GAREM2: variants seen among roughly 807,000 people sequenced by gnomAD.
GAREM2 encodes GRB2 associated regulator of MAPK1 subtype 2, also known as GRB2-associated and regulator of MAPK protein 2.
In GAREM2, 30 loss-of-function variants were observed where a neutral mutation model predicts 55.6. That is an observed-to-expected ratio of 0.54 (90% CI 0.40 to 0.73). The LOEUF is 0.73. GAREM2 is among the 30% of genes least tolerant of loss of function. GAREM2 has a pLI of 0.00. For synonymous variants in GAREM2, 550 were observed against 569.1 expected (o/e 0.97, Z 0.48); for missense variants, 1,075 against 1,257.7 (o/e 0.85, Z 2.20).
the GAREM2 span, among the ~76,000 whole-genome samples, chr2:26,198,245 C>T: frequency 7.2e-5 from 11 of 152,116 alleles, no homozygotes; most frequent in African/African-American, 2.4e-4. Flanking sequence ...TACTAAAAAA[C>T]GGCATACCAC....
In GAREM2 at chr2:26,187,467, C is replaced by T. The variant is rs557647163; in HGVS notation, c.1835C>T (p.Pro612Leu). Residue 612 changes from proline to leucine, a missense_variant, in exon 6 of 6, where the codon CCT becomes CTT. Pro to Leu is a moderately conservative substitution (Grantham distance 98, BLOSUM62 -3). Transcript: ENST00000401533. ...DTPVKTYHSC[P>L]PLFKPSHPQK... is the part of the protein sequence containing the mutation. ...CCTGTTAAGACCTACCACAGCTGCC[C>T]TCCTCTATTCAAGCCCTCACATCCC... The T allele has an allele frequency of 9.7e-6, 15 of 1,548,288 alleles. No homozygotes were observed. In the African/African-American group the frequency reaches 1.2e-4, roughly 13 times the overall value.
chr2:26,173,894 AC>A (rs1668778323), intron 1 of GAREM2, among the ~76,000 whole-genome samples: 1 of 151,798 alleles, frequency 6.6e-6, no homozygotes, highest in Non-Finnish European at 1.5e-5. Context: ...GCCCGGCGTG[AC>A]CCCCAAACTC....
Position 26,184,701 on chromosome 2 carries a change from G to A in GAREM2, c.853G>A (p.Glu285Lys). The A allele has an allele frequency of 6.5e-7, 1 of 1,539,626 alleles. No homozygotes were observed. The highest frequency in any genetic ancestry group is 8.7e-7 in the Non-Finnish European group (1 of 1,143,794). Residue 285 changes from glutamate to lysine, a missense_variant, in exon 4 of 6, where the codon GAG becomes AAG. Glu to Lys is a moderately conservative substitution (Grantham distance 56). This residue lies in a region of GAREM2 where 170 missense variants were observed against 220.7 expected (regional missense o/e 0.77). Coordinates refer to ENST00000401533, the MANE Select transcript of GAREM2 (RefSeq NM_001168241.2). ...CCCCTACGACCTGCACCCGGTGCGG[G>A]AGGGTCATTGCTACAAGCTGGTTAG... Reference protein sequence around the residue: ...RNPYDLHPVREGHCYKLVSII... With the variant: ...RNPYDLHPVRKGHCYKLVSII...
downstream of GAREM2, chr2:26,191,425 G>GT (rs1165992495): frequency 1.9e-6 from 3 of 1,614,188 alleles, no homozygotes; most frequent in Non-Finnish European, 2.5e-6. Context: ...TTCGTTGAAG[G>GT]AGACGCAACA....
chr2:26,183,720 T>TCAAA (rs112073035), intron 3 of GAREM2, among the ~76,000 whole-genome samples: 95 of 151,208 alleles, frequency 6.3e-4, no homozygotes, highest in South Asian at 3.1e-3. Flanking sequence ...AGACCCTGTC[T>TCAAA]CAAACAAACA....
chr2:26,196,113 C>T, the GAREM2 span, among the ~76,000 whole-genome samples: 1 of 152,174 alleles, frequency 6.6e-6, no homozygotes, highest in Admixed American at 6.5e-5. Flanking sequence ...TACATTTAAT[C>T]CATTACAACC....
chr2:26,199,303 G>A, the GAREM2 span: 5 of 152,524 alleles, frequency 3.3e-5, no homozygotes, highest in African/African-American at 1.2e-4. Flanking sequence ...AGGAGTTCAA[G>A]GTTACAGTGA....
At position 26,185,181 on chromosome 2, in the gene GAREM2, C is replaced by T; in HGVS notation, c.1333C>T (p.Pro445Ser). Residue 445 changes from proline to serine, a missense_variant, in exon 4 of 6, where the codon CCC (proline) becomes TCC (serine). This residue lies in a region of GAREM2 where 515 missense variants were observed against 501.5 expected (regional missense o/e 1.03). Coordinates refer to ENST00000401533, the MANE Select transcript of GAREM2 (RefSeq NM_001168241.2). ...HQGPEGLVRP[P>S]PGLDLISFGA... ...GGGGCCCGAGGGCCTCGTCCGGCCG[C>T]CCCCAGGGCTCGATCTCATCTCCTT... 3 of 1,509,828 alleles carry T rather than the reference C, an allele frequency of 2.0e-6. No homozygotes were observed. Among genetic ancestry groups the T allele is most frequent in the South Asian group, 1.2e-5 (1 of 82,234 alleles). 93.5% of individuals were successfully genotyped at this position (1,509,828 alleles called of 1,614,324 possible).
rs1669331746 is a variant in GAREM2 at position 26,187,734 on chromosome 2, T to A, written c.2102T>A (p.Phe701Tyr). The change falls in exon 6 of 6, where the codon TTC (phenylalanine) becomes TAC (tyrosine). Residue 701 changes from phenylalanine (F) to tyrosine (Y), a missense_variant. Physicochemically the swap from Phe to Tyr is conservative, Grantham distance 22 (BLOSUM62 3). This residue lies in a region of GAREM2 where 515 missense variants were observed against 501.5 expected (regional missense o/e 1.03). Transcript: ENST00000401533. ...SEWQEPVLEP[F>Y]DPFELGQGSS... is the part of the protein sequence containing the mutation. ...TGGCAGGAACCAGTCCTGGAGCCCT[T>A]CGATCCCTTTGAGCTGGGGCAGGGC... 6.8e-7 allele frequency: 1 copy of A among 1,462,468 alleles called. No individual in the cohort carries two copies. The highest frequency in any genetic ancestry group is 9.1e-7 in the Non-Finnish European group (1 of 1,102,674). 90.6% of individuals were successfully genotyped at this position (1,462,468 alleles called of 1,614,324 possible). A position where few individuals can be genotyped will look rare whatever the true frequency, so the allele number is the denominator to read the frequency against.
intron 5 of GAREM2, among the ~76,000 whole-genome samples, chr2:26,186,980 GA>G (rs1558309878): frequency 2.6e-5 from 4 of 151,866 alleles, no homozygotes; most frequent in African/African-American, 4.8e-5. Context: ...CATCTCAAAA[GA>G]AAAAAAATTG....
chr2:26,175,247 C>T (rs62128431), intron 1 of GAREM2, among the ~76,000 whole-genome samples: 23,993 of 152,114 alleles, frequency 0.16, 2,311 homozygotes, highest in Non-Finnish European at 0.21. Context: ...CCACCAGCTG[C>T]AGCCCGGACA....
At chr2:26,175,313 T>C (rs565724957) in intron 1 of GAREM2, among the ~76,000 whole-genome samples, 1 of 151,812 alleles carries the variant, frequency 6.6e-6, no homozygotes, top group East Asian at 2.0e-4. Flanking sequence ...CTGGAAACCG[T>C]TGCTGGGGTT....
At chr2:26,195,123 A>T in the GAREM2 span, 12 of 1,613,304 alleles carry the variant, frequency 7.4e-6, no homozygotes, top group Admixed American at 1.7e-5. Context: ...CCCCTGCTTG[A>T]GACCAACTGC....
In GAREM2 at chr2:26,176,462, C is replaced by A; in HGVS notation, c.231C>A (p.Ile77=). Residue 77 remains isoleucine, a synonymous_variant, in exon 2 of 6, where the codon ATC becomes ATA. Transcript: ENST00000401533. ...EEGHYVIGPK[I]DIPLQYPGKF... ...GCCACTATGTCATCGGGCCCAAGAT[C>A]GACATCCCCCTGCAGTACCCAGGTG... The A allele has an allele frequency of 6.5e-7, 1 of 1,548,684 alleles. No individual in the cohort carries two copies. The highest frequency in any genetic ancestry group is 8.7e-7 in the Non-Finnish European group (1 of 1,145,374).
chr2:26,190,744 T>A (rs1301635728), downstream of GAREM2: 2 of 202,256 alleles, frequency 9.9e-6, no homozygotes, highest in East Asian at 2.4e-4. Context: ...TCCCACTTTC[T>A]CTCATCCCAG....
At chr2:26,182,236 G>T (rs973883782) in intron 2 of GAREM2, 81 of 1,417,012 alleles carry the variant, frequency 5.7e-5, no homozygotes, top group Middle Eastern at 5.2e-4. Context: ...CTAGGGGCAT[G>T]TGCTGAGCTT....
At chr2:26,173,361 G>C (rs1222446933) in intron 1 of GAREM2, 29 bp downstream of exon 1, 7 of 1,240,906 alleles carry the variant, frequency 5.6e-6, no homozygotes, top group African/African-American at 1.6e-5. Context: ...ATGGGGACCG[G>C]GGTCCGCGGG....
At chr2:26,183,187 A>T in intron 3 of GAREM2, 90 bp downstream of exon 3, 2 of 1,441,694 alleles carry the variant, frequency 1.4e-6, no homozygotes, top group Non-Finnish European at 1.9e-6. Context: ...TGCCCTCAGG[A>T]TCCAAGAAGG....
At chr2:26,200,007 A>G in the GAREM2 span, among the ~76,000 whole-genome samples, 1 of 152,250 alleles carries the variant, frequency 6.6e-6, no homozygotes, top group Non-Finnish European at 1.5e-5. Flanking sequence ...TAAACACAGC[A>G]GTAGAACACG....
Sources: gnomAD v4.1 joint callset for allele counts (sites outside exome capture counted in the v4.1 genomes callset) on GRCh38, gnomAD v4.1.1 for gene constraint, gnomAD v4.1.1 regional missense constraint, MANE v1.5 for transcripts, NCBI Gene and HGNC (gene_info 2026-07-23, HGNC 2026-07-21) for gene names.